PRIMA1: variants seen among roughly 807,000 people sequenced by gnomAD.
The protein encoded by PRIMA1 is proline-rich membrane anchor 1.
In PRIMA1, 7 loss-of-function variants were observed where a neutral mutation model predicts 17.5. That is an observed-to-expected ratio of 0.40 (90% confidence interval 0.23 to 0.75). The LOEUF (loss-of-function observed/expected upper bound fraction) is 0.75. Ranked by LOEUF, PRIMA1 falls within the 30% of genes least tolerant of loss-of-function variation. PRIMA1 has a pLI of 0.37. For missense variants in PRIMA1, 200 were observed against 201.8 expected (o/e 0.99, Z 0.05); for synonymous variants, 97 against 77.9 (o/e 1.25, Z -1.29).
intron 3 of PRIMA1, among the ~76,000 whole-genome samples, chr14:93,741,288 C>T (rs1008369700): frequency 2.6e-5 from 4 of 152,100 alleles, no homozygotes; most frequent in African/African-American, 4.8e-5. Flanking sequence ...ATATGGAGTC[C>T]CAGGATCAAG....
At chr14:93,736,875 G>A (rs1048572640) in intron 4 of PRIMA1, among the ~76,000 whole-genome samples, 5 of 152,154 alleles carry the variant, frequency 3.3e-5, no homozygotes, top group Admixed American at 6.5e-5. Context: ...ACTCTTTGGT[G>A]TTTTGCAACA....
rs2076189322 is a variant in PRIMA1 at position 93,742,324 on chromosome 14, T to G, written c.230-4954A>C. Among the ~76,000 whole-genome samples the G allele has an allele frequency of 2.0e-5, 3 of 152,292 alleles. No homozygotes were observed. The East Asian group carries it at 5.8e-4, about 29-fold the overall frequency. On this transcript the variant is annotated intron_variant, in intron 3 of 4. Transcript: ENST00000393140. ...GCAGGGCCTGGCCAGCTCCATAAGT[T>G]GGAGAGATTCAGCTGAGAGTCCAGA...
intron 3 of PRIMA1, among the ~76,000 whole-genome samples, chr14:93,765,966 T>C (rs114396566): frequency 0.014 from 2,126 of 152,250 alleles, 55 homozygotes; most frequent in African/African-American, 0.049. Flanking sequence ...AAAATGAGGG[T>C]AGTGACCTAA....
At chr14:93,756,135 C>T (rs1309297509) in intron 3 of PRIMA1, among the ~76,000 whole-genome samples, 1 of 152,190 alleles carries the variant, frequency 6.6e-6, no homozygotes, top group Non-Finnish European at 1.5e-5. Context: ...AACTCCTGGC[C>T]TCAAGTGATC....
In PRIMA1 at chr14:93,720,372, G is replaced by C. The variant is rs1595184503; in HGVS notation, c.*1072C>G. The stretch of plus-strand genomic sequence containing the variant: ...CTCAGCGCTTCTATAGCATGAGACT[G>C]TGGAAACAGACATTGAAAGGAAGAC... On this transcript the variant is annotated 3_prime_UTR_variant, in exon 5 of 5. Transcript: ENST00000393140. 6.6e-6 allele frequency: 1 copy of C among 152,424 alleles called. No homozygotes were observed. The highest frequency in any genetic ancestry group is 1.9e-4 in the East Asian group (1 of 5,184). The allele number at this position is 152,424 out of a possible 1,614,324, so 9.4% of individuals were successfully genotyped here.
intron 3 of PRIMA1, among the ~76,000 whole-genome samples, chr14:93,748,228 G>C (rs1172141231): frequency 6.6e-6 from 1 of 152,116 alleles, no homozygotes; most frequent in African/African-American, 2.4e-5. Context: ...GATAAAGTGA[G>C]AGCAGGGAGA....
chr14:93,779,246 C>A lies in PRIMA1; in HGVS notation c.159G>T (p.Gln53His). 4 of 1,530,258 alleles carry A rather than the reference C, an allele frequency of 2.6e-6. No homozygotes were observed. Among genetic ancestry groups the A allele is most frequent in the Non-Finnish European group, 3.5e-6 (4 of 1,146,550 alleles). The allele number at this position is 1,530,258 out of a possible 1,614,324, so 94.8% of individuals were successfully genotyped here. The change falls in exon 3 of 5, where the codon CAG becomes CAT. Residue 53 changes from glutamine (Q) to histidine (H), a missense_variant. Transcript: ENST00000393140. ...KVTDSCRHVC[Q>H]CRPPPPLPPP... Reference sequence around the variant, plus strand: ...GGGGCAGCGGGGGAGGGGGCCGGCACTGGCAGACGTGTCGGCAGCTGTCAG... The same window carrying A: ...GGGGCAGCGGGGGAGGGGGCCGGCAATGGCAGACGTGTCGGCAGCTGTCAG...
In PRIMA1 at chr14:93,755,338, T is replaced by G. The variant is rs2076284332; in HGVS notation, c.230-17968A>C. Reference sequence around the variant, plus strand: ...CTGTGGCAATGCTTTCACATCGGTGTGATGGGGGCCACCTTCTTTTTTTTA... The same window carrying G: ...CTGTGGCAATGCTTTCACATCGGTGGGATGGGGGCCACCTTCTTTTTTTTA... On this transcript the variant is annotated intron_variant, in intron 3 of 4. Coordinates refer to ENST00000393140, the MANE Select transcript of PRIMA1 (RefSeq NM_178013.4). Among the ~76,000 whole-genome samples the G allele has an allele frequency of 1.3e-5, 2 of 152,144 alleles. 1 individual carries two copies. Among genetic ancestry groups the G allele is most frequent in the South Asian group, 4.1e-4 (2 of 4,830 alleles).
chr14:93,782,063 C>G (rs911832770), intron 2 of PRIMA1, among the ~76,000 whole-genome samples: 1 of 152,094 alleles, frequency 6.6e-6, no homozygotes, highest in South Asian at 2.1e-4. Context: ...GTCAGGAGAT[C>G]GAGACCATCC....
chr14:93,722,750 T>G, intron 4 of PRIMA1, among the ~76,000 whole-genome samples: 1 of 151,956 alleles, frequency 6.6e-6, no homozygotes, highest in South Asian at 2.1e-4. Context: ...ACAGTGGTGG[T>G]GATGGAGGTG....
At chr14:93,755,842 T>A (rs1165916076) in intron 3 of PRIMA1, among the ~76,000 whole-genome samples, 1 of 151,780 alleles carries the variant, frequency 6.6e-6, no homozygotes, top group Admixed American at 6.6e-5. Context: ...ACAAGGGTAA[T>A]GAGAACCCAG....
chr14:93,775,499 C>CTGT (rs368737443), intron 3 of PRIMA1, among the ~76,000 whole-genome samples: 9 of 152,056 alleles, frequency 5.9e-5, no homozygotes, highest in Non-Finnish European at 1.3e-4. Context: ...TTGTTTTTTG[C>CTGT]TGTTGTTGTT....
chr14:93,747,825 TTG>T (rs940855730), intron 3 of PRIMA1, among the ~76,000 whole-genome samples: 3 of 138,720 alleles, frequency 2.2e-5, no homozygotes, highest in Non-Finnish European at 3.1e-5. Flanking sequence ...GGGAGTGTGA[TTG>T]TGTGTGAGAG....
At chr14:93,737,117 T>C in intron 4 of PRIMA1, 124 bp downstream of exon 4, 1 of 922,686 alleles carries the variant, frequency 1.1e-6, no homozygotes, top group East Asian at 2.7e-5. Context: ...GTATATTCTT[T>C]CTGCTTCTTA....
chr14:93,779,396 C>T, intron 2 of PRIMA1, 85 bp from the exon 3 acceptor site: 1 of 1,206,170 alleles, frequency 8.3e-7, no homozygotes, highest in Non-Finnish European at 1.1e-6. Flanking sequence ...CACCCCGTCC[C>T]CTGCCAGGCT....
At chr14:93,739,575 C>A (rs1263484224) in intron 3 of PRIMA1, among the ~76,000 whole-genome samples, 6 of 152,088 alleles carry the variant, frequency 3.9e-5, no homozygotes, top group Admixed American at 3.9e-4. Context: ...ATGCTTGTAC[C>A]TTTGTACATT....
intron 4 of PRIMA1, among the ~76,000 whole-genome samples, chr14:93,733,671 GA>G (rs879891149): frequency 1.2e-4 from 18 of 147,138 alleles, no homozygotes; most frequent in African/African-American, 3.2e-4. Flanking sequence ...AGAGTTAAAA[GA>G]AAAAAAAAAG....
chr14:93,772,558 T>C (rs1451952087), intron 3 of PRIMA1, among the ~76,000 whole-genome samples: 1 of 152,280 alleles, frequency 6.6e-6, no homozygotes, highest in East Asian at 1.9e-4. Context: ...AGCCAGGTCC[T>C]GGGCTCTGGT....
intron 3 of PRIMA1, among the ~76,000 whole-genome samples, chr14:93,740,690 C>A (rs1418905561): frequency 1.3e-5 from 2 of 152,236 alleles, no homozygotes; most frequent in Non-Finnish European, 2.9e-5. Flanking sequence ...GGCTGCCACA[C>A]CCCCTCCAGT....
Sources: gnomAD v4.1 joint callset for allele counts (sites outside exome capture counted in the v4.1 genomes callset) on GRCh38, gnomAD v4.1.1 for gene constraint, MANE v1.5 for transcripts, NCBI Gene and HGNC (gene_info 2026-07-23, HGNC 2026-07-21) for gene names.